Variants in AGBL4 observed in about 807,000 individuals in gnomAD.
The protein encoded by AGBL4 is cytosolic carboxypeptidase 6.
AGBL4 carries 58 observed loss-of-function variants against 66.4 expected under a neutral mutation model. That is an observed-to-expected ratio of 0.87 (90% CI 0.71 to 1.09). AGBL4 has a LOEUF of 1.09. AGBL4 is among the 50% of genes least tolerant of loss of function. The probability of loss-of-function intolerance (pLI) is 0.00; values close to 1 mark genes in which losing one functional copy is unlikely to be tolerated. For missense variants in AGBL4, 579 were observed against 631.0 expected, an observed-to-expected ratio of 0.92 and a Z score of 0.88; for synonymous variants, 234 against 222.9, an observed-to-expected ratio of 1.05 and a Z score of -0.44.
Position 48,825,702 on chromosome 1 carries a change from A to C in AGBL4, c.634+41489T>G, listed in dbSNP as rs184781896. On this transcript the variant is annotated intron_variant, in intron 6 of 13. Coordinates refer to ENST00000371839, the MANE Select transcript of AGBL4 (RefSeq NM_032785.4). Reference sequence around the variant, plus strand: ...CATTTTCCTCAGAAGAAAGAGCATGAGCAAAGGCAAAGAAGTGGTAAAATG... The same window carrying C: ...CATTTTCCTCAGAAGAAAGAGCATGCGCAAAGGCAAAGAAGTGGTAAAATG... Among the ~76,000 whole-genome samples, 147 of 152,344 alleles carry C rather than the reference A, an allele frequency of 9.6e-4. 2 individuals carry two copies. Among genetic ancestry groups the C allele is most frequent in the Admixed American group, 3.7e-3 (57 of 15,300 alleles).
In AGBL4 at chr1:49,948,219, T is replaced by TAA. The variant is rs1557608972; in HGVS notation, c.34+75543_34+75544insTT. Among the ~76,000 whole-genome samples the TAA allele has an allele frequency of 4.8e-5, 5 of 103,542 alleles. No homozygotes were observed. The East Asian group carries it at 1.3e-3, about 28-fold the overall frequency. 67.9% of individuals were successfully genotyped at this position (103,542 alleles called of 152,430 possible). On this transcript the variant is annotated intron_variant, in intron 1 of 13. Coordinates refer to ENST00000371839, the MANE Select transcript of AGBL4 (RefSeq NM_032785.4). Reference sequence around the variant, plus strand: ...ATATAAATATAAATATATAAATATATATAAATATATATAAATATATAAATA... The same window carrying TAA: ...ATATAAATATAAATATATAAATATATAAATAAATATATATAAATATATAAATA...
At chr1:49,059,987 G>A (rs527861874) in intron 4 of AGBL4, among the ~76,000 whole-genome samples, 1 of 152,254 alleles carries the variant, frequency 6.6e-6, no homozygotes, top group African/African-American at 2.4e-5. Context: ...TTTGTTCCTG[G>A]ACATTTGGGT....
chr1:49,758,919 T>A (rs1652101141), intron 2 of AGBL4, among the ~76,000 whole-genome samples: 2 of 152,150 alleles, frequency 1.3e-5, no homozygotes, highest in African/African-American at 4.8e-5. Flanking sequence ...CACCCAAATC[T>A]CATCTGGAAT....
intron 8 of AGBL4, among the ~76,000 whole-genome samples, chr1:48,640,889 C>T (rs377701291): frequency 2.0e-5 from 3 of 152,150 alleles, no homozygotes; most frequent in African/African-American, 7.2e-5. Context: ...TATCGCTATT[C>T]GCAATAATGG....
At chr1:49,330,811 C>T (rs1384688520) in intron 3 of AGBL4, among the ~76,000 whole-genome samples, 2 of 152,096 alleles carry the variant, frequency 1.3e-5, no homozygotes, top group Admixed American at 6.5e-5. Flanking sequence ...CTATGGGTGG[C>T]GCTCATGGAG....
chr1:48,824,748 G>C (rs1646389410), intron 6 of AGBL4, among the ~76,000 whole-genome samples: 1 of 152,168 alleles, frequency 6.6e-6, no homozygotes. Context: ...GCTTGGCCTG[G>C]AGAAGAGATG....
intron 2 of AGBL4, among the ~76,000 whole-genome samples, chr1:49,724,097 A>G (rs2124694315): frequency 6.6e-6 from 1 of 152,210 alleles, no homozygotes; most frequent in South Asian, 2.1e-4. Flanking sequence ...TTAGTTTTCC[A>G]CTTTTCTTTG....
intron 3 of AGBL4, among the ~76,000 whole-genome samples, chr1:49,296,842 A>G (rs1288831098): frequency 6.6e-6 from 1 of 152,260 alleles, no homozygotes; most frequent in Non-Finnish European, 1.5e-5. Flanking sequence ...AACCTCAGTC[A>G]ATGTCATAAA....
intron 3 of AGBL4, among the ~76,000 whole-genome samples, chr1:49,247,125 T>G (rs1442577449): frequency 6.6e-6 from 1 of 152,088 alleles, no homozygotes; most frequent in Non-Finnish European, 1.5e-5. Flanking sequence ...AAGATGTCCA[T>G]GATTTTTACT....
chr1:49,971,957 A>G (rs1487100092), intron 1 of AGBL4, among the ~76,000 whole-genome samples: 55 of 89,446 alleles, frequency 6.1e-4, no homozygotes, highest in African/African-American at 2.3e-3. Context: ...TCGCTCTGTC[A>G]CCCAGGCTGG....
At chr1:49,756,987 C>T (rs1018515043) in intron 2 of AGBL4, among the ~76,000 whole-genome samples, 3 of 152,104 alleles carry the variant, frequency 2.0e-5, no homozygotes, top group Non-Finnish European at 2.9e-5. Context: ...TGTGTTCCCA[C>T]CCAAAGCCTA....
At chr1:48,922,366 T>G (rs1343818754) in intron 5 of AGBL4, among the ~76,000 whole-genome samples, 1 of 152,076 alleles carries the variant, frequency 6.6e-6, no homozygotes, top group African/African-American at 2.4e-5. Flanking sequence ...AGAAAAAAAT[T>G]AGCTGGCAGA....
At chr1:49,387,857 T>C (rs1228298835) in intron 3 of AGBL4, among the ~76,000 whole-genome samples, 1 of 152,074 alleles carries the variant, frequency 6.6e-6, no homozygotes, top group African/African-American at 2.4e-5. Context: ...TTTGAAGCCA[T>C]AACTACAAGA....
chr1:49,410,414 G>T (rs569143830), intron 3 of AGBL4, among the ~76,000 whole-genome samples: 2 of 152,324 alleles, frequency 1.3e-5, no homozygotes, highest in East Asian at 3.9e-4. Context: ...TAACCTAGGT[G>T]TTTGAGGGGA....
chr1:49,255,869 A>G (rs1288333946), intron 3 of AGBL4, among the ~76,000 whole-genome samples: 1 of 152,190 alleles, frequency 6.6e-6, no homozygotes, highest in African/African-American at 2.4e-5. Context: ...AGGGACATGG[A>G]TGGAGCTGGA....
intron 3 of AGBL4, among the ~76,000 whole-genome samples, chr1:49,363,566 T>C (rs1644183949): frequency 6.6e-6 from 1 of 152,186 alleles, no homozygotes; most frequent in African/African-American, 2.4e-5. Context: ...ATTACTATAA[T>C]CTATATTTAG....
intron 3 of AGBL4, among the ~76,000 whole-genome samples, chr1:49,301,193 T>C (rs1347566144): frequency 1.3e-5 from 2 of 152,208 alleles, no homozygotes; most frequent in Non-Finnish European, 2.9e-5. Flanking sequence ...CTAGGAGCTA[T>C]CAAATGATTC....
intron 3 of AGBL4, among the ~76,000 whole-genome samples, chr1:49,369,682 C>T (rs930376486): frequency 6.6e-6 from 1 of 151,932 alleles, no homozygotes; most frequent in Non-Finnish European, 1.5e-5. Context: ...GAATACTGCT[C>T]AGTGTATGGG....
intron 3 of AGBL4, among the ~76,000 whole-genome samples, chr1:49,328,607 C>T (rs1033612521): frequency 1.3e-5 from 2 of 152,190 alleles, no homozygotes; most frequent in Non-Finnish European, 2.9e-5. Context: ...AGAGTTGTAG[C>T]TTCAACTATC....
Sources: allele counts gnomAD v4.1 joint callset (sites outside exome capture counted in the v4.1 genomes callset), GRCh38; gene constraint gnomAD v4.1.1; transcripts MANE v1.5; gene names NCBI Gene and HGNC (gene_info 2026-07-23, HGNC 2026-07-21).